The following MACROD2 variants were observed in gnomAD, a reference collection of about 807,000 sequenced individuals.
The protein encoded by MACROD2 is ADP-ribose glycohydrolase MACROD2.
In MACROD2, 36 loss-of-function variants were observed where a neutral mutation model predicts 70.4. The ratio of observed to expected loss-of-function variants is 0.51; its 90% CI spans 0.39 to 0.68. The LOEUF (loss-of-function observed/expected upper bound fraction) is 0.68. MACROD2 is among the 30% of genes least tolerant of loss of function. The pLI is 0.00. For missense variants in MACROD2, 496 were observed against 538.4 expected, an observed-to-expected ratio of 0.92 and a Z score of 0.78; for synonymous variants, 172 against 178.8, an observed-to-expected ratio of 0.96 and a Z score of 0.30.
At chr20:15,734,837 A>G (rs886344841) in intron 8 of MACROD2, among the ~76,000 whole-genome samples, 1 of 152,240 alleles carries the variant, frequency 6.6e-6, no homozygotes, top group Non-Finnish European at 1.5e-5. Flanking sequence ...CTAATTTTTC[A>G]TAATGCTTTC....
chr20:15,328,325 A>G (rs549392631), intron 6 of MACROD2, among the ~76,000 whole-genome samples: 22 of 152,242 alleles, frequency 1.4e-4, no homozygotes, highest in African/African-American at 4.3e-4. Context: ...CCGAGGTGCA[A>G]TACCACATCT....
At chr20:15,219,208 A>G (rs1019212975) in intron 5 of MACROD2, among the ~76,000 whole-genome samples, 1 of 152,224 alleles carries the variant, frequency 6.6e-6, no homozygotes, top group African/African-American at 2.4e-5. Flanking sequence ...TGGAAAAGTA[A>G]ATATTATTTA....
At chr20:14,930,702 C>T (rs551661074) in intron 5 of MACROD2, among the ~76,000 whole-genome samples, 82 of 145,068 alleles carry the variant, frequency 5.7e-4, no homozygotes, top group South Asian at 2.2e-3. Flanking sequence ...GCCAGGCTGA[C>T]GCCAGAGGAT....
chr20:14,525,656 G>A (rs557172936), intron 4 of MACROD2, among the ~76,000 whole-genome samples: 70 of 152,306 alleles, frequency 4.6e-4, no homozygotes, highest in South Asian at 8.3e-4. Context: ...ACGCTGGTGT[G>A]TCTATTTTAG....
intron 9 of MACROD2, among the ~76,000 whole-genome samples, chr20:15,869,614 A>G (rs1274821714): frequency 1.3e-5 from 2 of 152,062 alleles, no homozygotes; most frequent in African/African-American, 4.8e-5. Flanking sequence ...ATGTATAACA[A>G]GTGTTTTGTA....
At chr20:15,459,210 T>C (rs558955734) in intron 7 of MACROD2, among the ~76,000 whole-genome samples, 73 of 152,248 alleles carry the variant, frequency 4.8e-4, no homozygotes, top group Middle Eastern at 3.4e-3. Context: ...AGAGAGAGAA[T>C]AAAATCTCTT....
intron 3 of MACROD2, among the ~76,000 whole-genome samples, chr20:14,406,212 C>G (rs2083689205): frequency 6.6e-6 from 1 of 152,082 alleles, no homozygotes. Flanking sequence ...TCAAAGTAAC[C>G]TTTTATTTGC....
intron 3 of MACROD2, among the ~76,000 whole-genome samples, chr20:14,170,829 T>C (rs983876229): frequency 1.3e-5 from 2 of 152,162 alleles, no homozygotes; most frequent in African/African-American, 4.8e-5. Flanking sequence ...TGTGCTTTTC[T>C]GGTTTTGGTA....
chr20:14,056,734 T>C (rs1424884429), intron 2 of MACROD2, among the ~76,000 whole-genome samples: 1 of 152,030 alleles, frequency 6.6e-6, no homozygotes, highest in Non-Finnish European at 1.5e-5. Context: ...TTTTTGGTGA[T>C]ACATATAAGA....
intron 4 of MACROD2, among the ~76,000 whole-genome samples, chr20:14,554,841 C>A (rs1250801727): frequency 6.6e-6 from 1 of 151,986 alleles, no homozygotes; most frequent in Non-Finnish European, 1.5e-5. Context: ...GAAATCTGAT[C>A]ACCTATAAGG....
In MACROD2 at chr20:15,152,026, T is replaced by C. The variant is rs899363488; in HGVS notation, c.419-77914T>C. Among the ~76,000 whole-genome samples the C allele has an allele frequency of 1.3e-5, 2 of 151,742 alleles. 1 individual carries two copies. Among genetic ancestry groups the C allele is most frequent in the Non-Finnish European group, 2.9e-5 (2 of 67,990 alleles). On this transcript the variant is annotated intron_variant, in intron 5 of 17. Transcript: ENST00000684519. ...GAAGGAAGATTTGGGATGAGTTGCA[T>C]TGGGAACAGAGACTAGGGAGGGACC... is the stretch of plus-strand genomic sequence containing the variant.
chr20:15,546,801 G>T (rs967777928), intron 8 of MACROD2, among the ~76,000 whole-genome samples: 1 of 152,136 alleles, frequency 6.6e-6, no homozygotes, highest in African/African-American at 2.4e-5. Flanking sequence ...ATTTTACCAC[G>T]TGACGCTTGA....
intron 8 of MACROD2, among the ~76,000 whole-genome samples, chr20:15,678,270 G>A (rs1451078729): frequency 2.6e-5 from 4 of 152,158 alleles, no homozygotes; most frequent in South Asian, 2.1e-4. Context: ...GGAGGCTGAA[G>A]CAGGAGGATC....
intron 3 of MACROD2, among the ~76,000 whole-genome samples, chr20:14,209,850 T>C (rs1004845428): frequency 6.6e-6 from 1 of 152,352 alleles, no homozygotes; most frequent in African/African-American, 2.4e-5. Flanking sequence ...TAGTCCACTT[T>C]GTGCCCAGGA....
chr20:15,663,986 C>T (rs778024265), intron 8 of MACROD2, among the ~76,000 whole-genome samples: 1 of 152,102 alleles, frequency 6.6e-6, no homozygotes, highest in Admixed American at 6.6e-5. Flanking sequence ...TGGCTGTGAC[C>T]CTGTAAGATG....
At chr20:14,173,037 A>C (rs1412726777) in intron 3 of MACROD2, among the ~76,000 whole-genome samples, 1 of 152,126 alleles carries the variant, frequency 6.6e-6, no homozygotes, top group Non-Finnish European at 1.5e-5. Context: ...GTTTTCTTTT[A>C]TAGTTACCTG....
In MACROD2 at chr20:14,326,039, A is replaced by G. The variant is rs767143143; in HGVS notation, c.272-167440A>G. 6 of 1,613,804 alleles carry G rather than the reference A, an allele frequency of 3.7e-6. No individual in the cohort carries two copies. The highest frequency in any genetic ancestry group is 5.1e-6 in the Non-Finnish European group (6 of 1,179,882). ...TCAATACAAACAGGAGTTTCATCAA[A>G]TAGGTAGAGGTTGCTGGTTTCCATG... On this transcript the variant is annotated intron_variant, in intron 3 of 17. Coordinates refer to ENST00000684519, the MANE Select transcript of MACROD2 (RefSeq NM_001351661.2). This position sits in a 1 kb window ranked among gnomAD's most constrained non-coding sequence, Gnocchi z 5.5.
At chr20:15,922,920 T>C (rs2065432300) in intron 10 of MACROD2, among the ~76,000 whole-genome samples, 1 of 152,290 alleles carries the variant, frequency 6.6e-6, no homozygotes, top group African/African-American at 2.4e-5. Flanking sequence ...TCATCTTTAG[T>C]GAAATTTTAG....
At chr20:15,176,872 T>G (rs563206320) in intron 5 of MACROD2, among the ~76,000 whole-genome samples, 1 of 152,188 alleles carries the variant, frequency 6.6e-6, no homozygotes, top group Admixed American at 6.5e-5. Flanking sequence ...TGACACCCTC[T>G]TTGGGGCTCT....
Sources: allele counts gnomAD v4.1 joint callset (sites outside exome capture counted in the v4.1 genomes callset), GRCh38; gene constraint gnomAD v4.1.1; non-coding constraint Gnocchi (gnomAD v3.1); transcripts MANE v1.5; gene names NCBI Gene and HGNC (gene_info 2026-07-23, HGNC 2026-07-21).